The following C18orf63 variants were observed in gnomAD, a reference collection of about 807,000 sequenced individuals.
C18orf63 encodes the protein uncharacterized protein C18orf63.
C18orf63 carries 50 observed loss-of-function variants against 75.3 expected under a neutral mutation model. That is an observed-to-expected ratio of 0.66 (90% CI 0.53 to 0.84). The LOEUF is 0.84. Among genes scored for constraint, C18orf63 ranks in the 40% least tolerant of loss-of-function variants. C18orf63 has a pLI of 0.00. For synonymous variants in C18orf63, 232 were observed against 267.6 expected (o/e 0.87, Z 1.30); for missense variants, 732 against 800.2 (o/e 0.91, Z 1.03).
chr18:74,342,041 G>T lies in C18orf63; in HGVS notation c.621G>T (p.Met207Ile). 6.7e-7 allele frequency: 1 copy of T among 1,503,388 alleles called. No individual in the cohort carries two copies. 93.1% of individuals were successfully genotyped at this position (1,503,388 alleles called of 1,614,324 possible). A position where few individuals can be genotyped will look rare whatever the true frequency, so the allele number is the denominator to read the frequency against. The change falls in exon 9 of 14, where the codon ATG becomes ATT. Residue 207 changes from methionine (M) to isoleucine (I), a missense_variant. Met to Ile is a conservative substitution (Grantham distance 10). Transcript: ENST00000579455. ...CTCTCATTTTTCATAGTATGAAAAT[G>T]GGACAAATTATAAATATTTTTCATG... ...NWCYVLPSMKMGQIINIFHAI... is the reference protein window; with the variant it reads ...NWCYVLPSMKIGQIINIFHAI...
chr18:74,353,022 A>T (rs567694109), intron 11 of C18orf63, among the ~76,000 whole-genome samples: 1 of 152,314 alleles, frequency 6.6e-6, no homozygotes, highest in Admixed American at 6.5e-5. Context: ...ATATACCTTT[A>T]TCTTAAGATA....
In C18orf63 at chr18:74,338,791, C is replaced by T. The variant is rs1984433045; in HGVS notation, c.578C>T (p.Ser193Phe). The change falls in exon 8 of 14, where the codon TCC becomes TTC. Residue 193 changes from serine to phenylalanine, a missense_variant. By Grantham distance (155) the Ser-to-Phe change is radical (BLOSUM62 -2). Around this residue, in one of 3 missense-constraint regions of C18orf63, gnomAD observed 233 missense variants for 272.7 expected, o/e 0.85. Transcript: ENST00000579455. ...AAGCATGCTGTCATTGAGAGACATTCCATTTTAAGCAACTGGTGCTACGTT... is the reference window on the plus strand; with the variant it reads ...AAGCATGCTGTCATTGAGAGACATTTCATTTTAAGCAACTGGTGCTACGTT... The part of the protein sequence containing the change: ...ANKHAVIERH[S>F]ILSNWCYVLP... 2.1e-6 allele frequency: 3 copies of T among 1,410,954 alleles called. No homozygotes were observed. The highest frequency in any genetic ancestry group is 2.8e-6 in the Non-Finnish European group (3 of 1,069,298). 87.4% of individuals were successfully genotyped at this position (1,410,954 alleles called of 1,614,324 possible). A position where few individuals can be genotyped will look rare whatever the true frequency, so the allele number is the denominator to read the frequency against.
At chr18:74,354,290 C>T (rs1320672195) in intron 12 of C18orf63, 22 bp downstream of exon 12, 1 of 1,484,838 alleles carries the variant, frequency 6.7e-7, no homozygotes, top group Non-Finnish European at 8.9e-7. Flanking sequence ...ATTAATCTGG[C>T]ACTACTTATC....
chr18:74,325,752 T>G (rs1286429110), intron 4 of C18orf63, among the ~76,000 whole-genome samples: 1 of 152,190 alleles, frequency 6.6e-6, no homozygotes, highest in East Asian at 1.9e-4. Flanking sequence ...CTTAGAGAGA[T>G]AACAATCCAT....
At chr18:74,342,745 T>C (rs1164908369) in intron 10 of C18orf63, among the ~76,000 whole-genome samples, 2 of 152,186 alleles carry the variant, frequency 1.3e-5, no homozygotes, top group Non-Finnish European at 2.9e-5. Context: ...AGGCAAATTT[T>C]CGATGATTTG....
chr18:74,328,225 A>G (rs1984242054), intron 5 of C18orf63, among the ~76,000 whole-genome samples, 167 bp downstream of exon 5: 2 of 152,218 alleles, frequency 1.3e-5, no homozygotes, highest in South Asian at 4.1e-4. Flanking sequence ...AGGCCTCACA[A>G]TCATGGCGGA....
In C18orf63 at chr18:74,353,468, A is replaced by T; in HGVS notation, c.1201A>T (p.Ile401Phe). 1 of 1,536,358 alleles carries T rather than the reference A, an allele frequency of 6.5e-7. No individual in the cohort carries two copies. The highest frequency in any genetic ancestry group is 1.2e-5 in the South Asian group (1 of 84,066). The change falls in exon 12 of 14, where the codon ATC becomes TTC. Residue 401 changes from isoleucine to phenylalanine, a missense_variant. Physicochemically the swap from Ile to Phe is conservative, Grantham distance 21. Around this residue, in one of 3 missense-constraint regions of C18orf63, gnomAD observed 495 missense variants for 508.7 expected, o/e 0.97. Transcript: ENST00000579455. Reference sequence around the variant, plus strand: ...TCAGGGTAGAAAGAAATCCCTGTCTATCAGGGCTCCACAAGTACATTCAGA... The same window carrying T: ...TCAGGGTAGAAAGAAATCCCTGTCTTTCAGGGCTCCACAAGTACATTCAGA... ...SVQGRKKSLSIRAPQVHSEVL... is the reference protein window; with the variant it reads ...SVQGRKKSLSFRAPQVHSEVL...
chr18:74,359,076 T>C lies in C18orf63; in HGVS notation c.*2629T>C, dbSNP rs906632746. On this transcript the variant is annotated 3_prime_UTR_variant, in exon 14 of 14. Transcript: ENST00000579455. ...GATACTTAGGAATAGTCAGTATTTA[T>C]AAATATTTAAGAATGTCATGGTCCT... 2.0e-5 allele frequency: 3 copies of C among 152,192 alleles called. No individual in the cohort carries two copies. The highest frequency in any genetic ancestry group is 4.4e-5 in the Non-Finnish European group (3 of 68,016). The allele number at this position is 152,192 out of a possible 1,614,324, so 9.4% of individuals were successfully genotyped here.
intron 11 of C18orf63, among the ~76,000 whole-genome samples, chr18:74,352,249 G>A (rs2145132623): frequency 6.6e-6 from 1 of 152,234 alleles, no homozygotes; most frequent in Non-Finnish European, 1.5e-5. Flanking sequence ...GAAGGAAGAG[G>A]AAACAGGAAA....
At position 74,353,887 on chromosome 18, in the gene C18orf63, G is replaced by A. The variant is rs1451817416; in HGVS notation, c.1620G>A (p.Lys540=). The A allele has an allele frequency of 6.5e-7, 1 of 1,535,948 alleles. No individual in the cohort carries two copies. The stretch of plus-strand genomic sequence containing the variant: ...CGACTGTGAGTTTAAACAAAAATAA[G>A]CAACTATCTAATAGTGCAGTATTTG... ...GKSTVSLNKN[K]QLSNSAVFVV... The change falls in exon 12 of 14, where the codon AAG becomes AAA. Residue 540 remains lysine (K), a synonymous_variant. Coordinates refer to ENST00000579455, the MANE Select transcript of C18orf63 (RefSeq NM_001174123.2).
chr18:74,332,829 A>G (rs1159037770), intron 7 of C18orf63, among the ~76,000 whole-genome samples: 1 of 152,058 alleles, frequency 6.6e-6, no homozygotes, highest in African/African-American at 2.4e-5. Flanking sequence ...TCACATGCTT[A>G]TTTCTATTTT....
intron 4 of C18orf63, 53 bp downstream of exon 4, chr18:74,322,807 G>T: frequency 1.6e-6 from 1 of 608,872 alleles, no homozygotes; most frequent in Non-Finnish European, 2.5e-6. Flanking sequence ...GGGATTATAC[G>T]TTCCACTCCT....
intron 2 of C18orf63, among the ~76,000 whole-genome samples, chr18:74,320,149 G>T (rs1383050400): frequency 2.0e-5 from 3 of 152,180 alleles, no homozygotes; most frequent in Non-Finnish European, 1.5e-5. Context: ...AATTACCTAA[G>T]ACTGGATAAT....
intron 8 of C18orf63, among the ~76,000 whole-genome samples, chr18:74,341,496 A>C (rs553572589): frequency 3.9e-5 from 6 of 152,266 alleles, no homozygotes; most frequent in Non-Finnish European, 8.8e-5. Flanking sequence ...CCTGGCCAAC[A>C]TGGCAAAACC....
chr18:74,333,660 T>C (rs1371720011), intron 7 of C18orf63, among the ~76,000 whole-genome samples: 1 of 152,020 alleles, frequency 6.6e-6, no homozygotes, highest in Non-Finnish European at 1.5e-5. Flanking sequence ...TCCCACTGGG[T>C]CCCTCCCACA....
At position 74,350,037 on chromosome 18, in the gene C18orf63, C is replaced by T. The variant is rs193289293; in HGVS notation, c.979-3209C>T. Among the ~76,000 whole-genome samples, 470 of 152,254 alleles carry T rather than the reference C, an allele frequency of 3.1e-3. 3 individuals carry two copies. The highest frequency in any genetic ancestry group is 2.4e-3 in the Admixed American group (37 of 15,292). Reference sequence around the variant, plus strand: ...AATGGAGGTTGAACACCAGTCCATCCTATCCATTGCAGTCACAGCATAGAG... The same window carrying T: ...AATGGAGGTTGAACACCAGTCCATCTTATCCATTGCAGTCACAGCATAGAG... On this transcript the variant is annotated intron_variant, in intron 11 of 13. Transcript: ENST00000579455.
At position 74,357,170 on chromosome 18, in the gene C18orf63, T is replaced by C. The variant is rs1450786553; in HGVS notation, c.*723T>C. 6.6e-6 allele frequency: 1 copy of C among 152,050 alleles called. No homozygotes were observed. Among genetic ancestry groups the C allele is most frequent in the Non-Finnish European group, 1.5e-5 (1 of 67,980 alleles). 9.4% of individuals were successfully genotyped at this position (152,050 alleles called of 1,614,324 possible). A position where few individuals can be genotyped will look rare whatever the true frequency, so the allele number is the denominator to read the frequency against. On this transcript the variant is annotated 3_prime_UTR_variant, in exon 14 of 14. Coordinates refer to ENST00000579455, the MANE Select transcript of C18orf63 (RefSeq NM_001174123.2). The stretch of plus-strand genomic sequence containing the variant: ...AACAAAACTGGAGCCTTTATTGGGG[T>C]GGAGATTTCTGTTTCCACCAGTACT...
chr18:74,318,748 C>A (rs1370963679), intron 2 of C18orf63, among the ~76,000 whole-genome samples: 2 of 151,524 alleles, frequency 1.3e-5, no homozygotes, highest in Non-Finnish European at 1.5e-5. Flanking sequence ...CAAGACTGTG[C>A]CACTGCACTC....
chr18:74,352,768 A>G (rs1397619645), intron 11 of C18orf63, among the ~76,000 whole-genome samples: 14 of 152,236 alleles, frequency 9.2e-5, no homozygotes, highest in South Asian at 2.1e-4. Context: ...GCACTAAAAG[A>G]TAAGAGAGCT....
Sources: gnomAD v4.1 joint callset for allele counts (sites outside exome capture counted in the v4.1 genomes callset) on GRCh38, gnomAD v4.1.1 for gene constraint, gnomAD v4.1.1 regional missense constraint, MANE v1.5 for transcripts, NCBI Gene and HGNC (gene_info 2026-07-23, HGNC 2026-07-21) for gene names.